Variants in DLGAP3 observed in about 807,000 individuals in gnomAD.
The protein encoded by DLGAP3 is disks large-associated protein 3.
A neutral mutation model predicts 81.2 loss-of-function variants in DLGAP3; 17 were observed. The observed-to-expected ratio is 0.21, with a 90% CI of 0.14 to 0.31. DLGAP3 has a LOEUF of 0.31. Among genes scored for constraint, DLGAP3 ranks in the 10% least tolerant of loss-of-function variants. DLGAP3 has a pLI of 1.00. For missense variants in DLGAP3, 1,124 were observed against 1,388.0 expected, an observed-to-expected ratio of 0.81 and a Z score of 3.02; for synonymous variants, 577 against 587.4, an observed-to-expected ratio of 0.98 and a Z score of 0.26.
chr1:34,892,791 G>A (rs1229250996), intron 5 of DLGAP3, among the ~76,000 whole-genome samples: 1 of 152,200 alleles, frequency 6.6e-6, no homozygotes, highest in East Asian at 1.9e-4. Context: ...CAGTCAAAAT[G>A]TTGAAAGCTG....
chr1:34,891,814 A>C (rs1264956690), intron 5 of DLGAP3, among the ~76,000 whole-genome samples: 1 of 152,192 alleles, frequency 6.6e-6, no homozygotes, highest in Non-Finnish European at 1.5e-5. Context: ...AAATAAAAAT[A>C]AGAAGGAAAT....
At chr1:34,875,492 T>G (rs956868409) in intron 8 of DLGAP3, among the ~76,000 whole-genome samples, 1 of 152,234 alleles carries the variant, frequency 6.6e-6, no homozygotes, top group African/African-American at 2.4e-5. Context: ...TTTGTTTCTT[T>G]ATTTTGGTGG....
At chr1:34,908,450 T>C (rs1395419776) in intron 1 of DLGAP3, among the ~76,000 whole-genome samples, 1 of 151,902 alleles carries the variant, frequency 6.6e-6, no homozygotes, top group African/African-American at 2.4e-5. Context: ...GGTGTGCAAA[T>C]AGGGAATTCT....
intron 8 of DLGAP3, among the ~76,000 whole-genome samples, chr1:34,882,873 C>A (rs1181421879): frequency 6.6e-6 from 1 of 152,140 alleles, no homozygotes. Context: ...CACTCCACAC[C>A]AGCCACATGG....
intron 8 of DLGAP3, among the ~76,000 whole-genome samples, chr1:34,869,526 G>A (rs1638947245): frequency 1.2e-5 from 1 of 84,806 alleles, no homozygotes; most frequent in South Asian, 4.0e-4. Context: ...TTTTGCTCTT[G>A]TTGCCCAGGC....
At chr1:34,899,818 C>A in intron 4 of DLGAP3, 77 bp from the exon 5 acceptor site, 2 of 1,395,900 alleles carry the variant, frequency 1.4e-6, no homozygotes, top group African/African-American at 1.4e-5. Flanking sequence ...AGCACTGGGG[C>A]CCCTGAGTAA....
chr1:34,896,888 A>G (rs1298996244), intron 5 of DLGAP3, among the ~76,000 whole-genome samples: 1 of 152,018 alleles, frequency 6.6e-6, no homozygotes, highest in African/African-American at 2.4e-5. Context: ...AAATAAACCC[A>G]AGGGTTAGGG....
intron 1 of DLGAP3, among the ~76,000 whole-genome samples, chr1:34,916,445 T>C (rs1184034224): frequency 6.6e-6 from 1 of 152,210 alleles, no homozygotes; most frequent in African/African-American, 2.4e-5. Context: ...TGTTAAGCGC[T>C]TTAGATGTTT....
In DLGAP3 at chr1:34,868,558, C is replaced by A. The variant is rs375112594; in HGVS notation, c.2485+47G>T. 4 of 1,531,740 alleles carry A rather than the reference C, an allele frequency of 2.6e-6. No homozygotes were observed. In the South Asian group the frequency reaches 4.5e-5, roughly 17 times the overall value. 94.9% of individuals were successfully genotyped at this position (1,531,740 alleles called of 1,614,324 possible). Reference sequence around the variant, plus strand: ...CCCATCAGGGTCTCCTGAGCACACACGAGGCCATGGTCCCCAGAGTCCCCT... The same window carrying A: ...CCCATCAGGGTCTCCTGAGCACACAAGAGGCCATGGTCCCCAGAGTCCCCT... On this transcript the variant is annotated intron_variant, in intron 9 of 11. Coordinates refer to ENST00000373347, the MANE Select transcript of DLGAP3 (RefSeq NM_001080418.3). This position sits in a 1 kb window ranked among gnomAD's most constrained non-coding sequence, Gnocchi z 7.5.
chr1:34,896,585 TCACACA>T (rs10593156), intron 5 of DLGAP3, among the ~76,000 whole-genome samples: 135 of 146,896 alleles, frequency 9.2e-4, no homozygotes, highest in African/African-American at 3.2e-3. Flanking sequence ...CCAGACTCCA[TCACACA>T]CACACACACA....
rs371385053 is a variant in DLGAP3, at chr1:34,867,560, G to A, written c.2553C>T (p.Phe851=). ...QLLLSQKVQQ[F]FRLCQQSMDP... ...CCATGCTTTGCTGACACAGCCGGAA[G>A]AACTGCTGAACCTTCTGGGACAGGA... Residue 851 remains phenylalanine (F), a synonymous_variant, in exon 10 of 12, where the codon TTC becomes TTT. Transcript: ENST00000373347. The surrounding 1 kb of genome is among the most constrained non-coding windows in gnomAD (Gnocchi z 4.3). 18 of 1,614,042 alleles carry A rather than the reference G, an allele frequency of 1.1e-5. No homozygotes were observed. The African/African-American group carries it at 2.3e-4, about 20-fold the overall frequency.
At chr1:34,894,142 C>T (rs1639351613) in intron 5 of DLGAP3, among the ~76,000 whole-genome samples, 1 of 151,908 alleles carries the variant, frequency 6.6e-6, no homozygotes, top group Non-Finnish European at 1.5e-5. Context: ...GAGCCATGTT[C>T]ACACCACTAC....
Position 34,923,014 on chromosome 1 carries a change from A to G in DLGAP3, c.-135+6437T>C, listed in dbSNP as rs115816610. Among the ~76,000 whole-genome samples, 454 of 152,136 alleles carry G rather than the reference A, an allele frequency of 3.0e-3. 5 individuals carry two copies. Among genetic ancestry groups the G allele is most frequent in the African/African-American group, 0.01 (422 of 41,482 alleles). On this transcript the variant is annotated intron_variant, in intron 1 of 11. Transcript: ENST00000373347. ...TCATCCCATGCCTAGAGAAACGAGT[A>G]TTTCCTCAGACAACCTGGGTAGGAG... is the stretch of plus-strand genomic sequence containing the variant.
chr1:34,911,008 G>A (rs1639630606), intron 1 of DLGAP3, among the ~76,000 whole-genome samples: 2 of 128,928 alleles, frequency 1.6e-5, no homozygotes, highest in Admixed American at 8.8e-5. Context: ...TATTCCAAAG[G>A]ATAGATATTA....
intron 2 of DLGAP3, among the ~76,000 whole-genome samples, chr1:34,906,995 T>G (rs1355560286): frequency 6.6e-6 from 1 of 152,102 alleles, no homozygotes; most frequent in Non-Finnish European, 1.5e-5. Flanking sequence ...ATCTGCTGAC[T>G]AGGAGGGATG....
intron 5 of DLGAP3, among the ~76,000 whole-genome samples, chr1:34,891,121 C>T (rs925034763): frequency 6.6e-6 from 1 of 152,162 alleles, no homozygotes; most frequent in African/African-American, 2.4e-5. Context: ...TATCACTCTG[C>T]AAATCAATCA....
chr1:34,907,949 C>T (rs1322004912), intron 1 of DLGAP3, among the ~76,000 whole-genome samples: 2 of 152,168 alleles, frequency 1.3e-5, no homozygotes, highest in Non-Finnish European at 1.5e-5. Flanking sequence ...CAAAGCCCTC[C>T]CCCTGGCTAA....
chr1:34,899,845 C>T (rs1639428361), intron 4 of DLGAP3, 104 bp from the exon 5 acceptor site: 2 of 1,148,484 alleles, frequency 1.7e-6, no homozygotes, highest in Admixed American at 3.5e-5. Flanking sequence ...TTCCTCAGAA[C>T]CCCCAAAGAG....
intron 1 of DLGAP3, among the ~76,000 whole-genome samples, chr1:34,920,174 T>A (rs533881791): frequency 1.3e-5 from 2 of 152,142 alleles, no homozygotes; most frequent in African/African-American, 4.8e-5. Flanking sequence ...TCTCCAAGTG[T>A]CTCTAAGTCT....
Sources: allele counts gnomAD v4.1 joint callset (sites outside exome capture counted in the v4.1 genomes callset), GRCh38; gene constraint gnomAD v4.1.1; non-coding constraint Gnocchi (gnomAD v3.1); transcripts MANE v1.5; gene names NCBI Gene and HGNC (gene_info 2026-07-23, HGNC 2026-07-21).